Variants in ALDH1A2 observed in about 807,000 individuals in gnomAD.
ALDH1A2 encodes the protein aldehyde dehydrogenase 1 family member A2, also known as retinal dehydrogenase 2.
A neutral mutation model predicts 60.3 loss-of-function variants in ALDH1A2; 27 were observed. The observed-to-expected ratio is 0.45, with a 90% CI of 0.33 to 0.62. The LOEUF (loss-of-function observed/expected upper bound fraction) is 0.62, where lower values mean the gene tolerates loss of function less well. Among genes scored for constraint, ALDH1A2 ranks in the 20% least tolerant of loss-of-function variants. ALDH1A2 has a pLI of 0.02. For synonymous variants in ALDH1A2, 289 were observed against 232.4 expected (o/e 1.24, Z -2.21); for missense variants, 581 against 643.8 (o/e 0.90, Z 1.06).
intron 7 of ALDH1A2, among the ~76,000 whole-genome samples, chr15:57,967,941 T>C (rs1009064992): frequency 6.6e-6 from 1 of 152,130 alleles, no homozygotes; most frequent in East Asian, 1.9e-4. Context: ...CCCTCTCTTC[T>C]GGGAATGCTG....
At chr15:57,986,121 G>A (rs1249102864) in intron 7 of ALDH1A2, among the ~76,000 whole-genome samples, 1 of 152,286 alleles carries the variant, frequency 6.6e-6, no homozygotes, top group South Asian at 2.1e-4. Flanking sequence ...TGGAGTAACC[G>A]ACACTGGACT....
chr15:57,960,863 G>A lies in ALDH1A2; in HGVS notation c.1410-19C>T, dbSNP rs1466426268. The A allele has an allele frequency of 3.7e-6, 6 of 1,608,456 alleles. No homozygotes were observed. ...ATTGATCCTGAAAGAAGAAAACATA[G>A]CACTGTGAGTTCGTGTGAAGTCTGA... On this transcript the variant is annotated intron_variant, in intron 11 of 12. Coordinates refer to ENST00000249750, the MANE Select transcript of ALDH1A2 (RefSeq NM_003888.4).
At chr15:57,989,205 A>AAGTT (rs1239342619) in intron 7 of ALDH1A2, among the ~76,000 whole-genome samples, 2 of 152,146 alleles carry the variant, frequency 1.3e-5, no homozygotes, top group African/African-American at 4.8e-5. Context: ...TAAATGCTAG[A>AAGTT]AGTTAATTTA....
At chr15:57,958,214 G>GCGCACACACA (rs67551670) in intron 12 of ALDH1A2, among the ~76,000 whole-genome samples, 24 of 151,818 alleles carry the variant, frequency 1.6e-4, no homozygotes, top group South Asian at 4.2e-4. Flanking sequence ...GTACACGCAC[G>GCGCACACACA]CACACACACA....
rs1315031663 is a variant in ALDH1A2, at chr15:58,013,828, A to T, written c.363+30T>A. ...TTCAGCAGAATGGCAAATGTGGGTT[A>T]AAGACTTAATGTTTTCTTAGGTTAC... is the stretch of plus-strand genomic sequence containing the variant. On this transcript the variant is annotated intron_variant, in intron 3 of 12. Transcript: ENST00000249750. The T allele has an allele frequency of 2.5e-6, 4 of 1,613,866 alleles. No individual in the cohort carries two copies. In the Admixed American group the frequency reaches 5.0e-5, roughly 20 times the overall value.
At chr15:57,986,571 CAAAAAAA>C (rs71116542) in intron 7 of ALDH1A2, among the ~76,000 whole-genome samples, 1 of 82,074 alleles carries the variant, frequency 1.2e-5, no homozygotes, top group African/African-American at 5.1e-5. Context: ...ACAGAAAAGC[CAAAAAAA>C]AAAAAAAAAA....
chr15:57,955,360 ACCTGCGAACAGCAAGT>A, intron 12 of ALDH1A2, 91 bp from the exon 13 acceptor site: 1 of 1,324,726 alleles, frequency 7.5e-7, no homozygotes, highest in Non-Finnish European at 1.1e-6. Context: ...GCAGTTTATC[ACCTGCGAACAGCAAGT>A]CCTGGGATGT....
intron 4 of ALDH1A2, among the ~76,000 whole-genome samples, chr15:58,002,462 G>C (rs1895305759): frequency 6.6e-6 from 1 of 151,928 alleles, no homozygotes; most frequent in Non-Finnish European, 1.5e-5. Context: ...ACAGTTGCCT[G>C]AAAGAAACTG....
chr15:57,961,776 T>TAA lies in ALDH1A2; in HGVS notation c.1251+235_1251+236insTT, dbSNP rs1415188120. Among the ~76,000 whole-genome samples the TAA allele has an allele frequency of 1.3e-5, 2 of 151,570 alleles. 1 individual carries two copies. The highest frequency in any genetic ancestry group is 4.8e-5 in the African/African-American group (2 of 41,450). On this transcript the variant is annotated intron_variant, in intron 10 of 12. Coordinates refer to ENST00000249750, the MANE Select transcript of ALDH1A2 (RefSeq NM_003888.4). ...CAATGGCAGGCTATTCTGATTGTTC[T>TAA]GTTGGCTAATAATAATCATAAGCAC...
In ALDH1A2 at chr15:58,034,018, T is replaced by C. The variant is rs768460999; in HGVS notation, c.118-19737A>G. Among the ~76,000 whole-genome samples the C allele has an allele frequency of 5.3e-4, 81 of 151,806 alleles. 1 individual carries two copies. Among genetic ancestry groups the C allele is most frequent in the Non-Finnish European group, 1.6e-4 (11 of 67,768 alleles). ...ACTTTATAATTAGTTTGTTAATATC[T>C]ACAAAATAACTTACTAGGATTTTGA... On this transcript the variant is annotated intron_variant, in intron 1 of 12. Transcript: ENST00000249750.
At chr15:58,043,061 T>C (rs1183307452) in intron 1 of ALDH1A2, among the ~76,000 whole-genome samples, 2 of 151,940 alleles carry the variant, frequency 1.3e-5, no homozygotes, top group African/African-American at 4.8e-5. Flanking sequence ...GTGAAGTTGC[T>C]TGTGTTTTAG....
intron 7 of ALDH1A2, among the ~76,000 whole-genome samples, chr15:57,970,535 G>A (rs909903022): frequency 3.3e-5 from 5 of 152,142 alleles, no homozygotes; most frequent in Admixed American, 1.3e-4. Context: ...GGCTTTGCAA[G>A]AAAAATAATT....
At chr15:57,978,830 AG>A (rs1359993151) in intron 7 of ALDH1A2, among the ~76,000 whole-genome samples, 2 of 152,180 alleles carry the variant, frequency 1.3e-5, no homozygotes, top group African/African-American at 4.8e-5. Flanking sequence ...TGAGGCCAGG[AG>A]TTTGAGACCA....
intron 1 of ALDH1A2, among the ~76,000 whole-genome samples, chr15:58,047,723 A>C (rs1050125504): frequency 6.6e-6 from 1 of 152,010 alleles, no homozygotes; most frequent in Non-Finnish European, 1.5e-5. Context: ...AGAGAGGGGG[A>C]AAAAACTTCT....
intron 7 of ALDH1A2, among the ~76,000 whole-genome samples, chr15:57,970,656 TACTC>T (rs1894033058): frequency 6.6e-6 from 1 of 152,210 alleles, no homozygotes; most frequent in South Asian, 2.1e-4. Flanking sequence ...TTTTATTAAT[TACTC>T]AGGTGAGTTC....
intron 1 of ALDH1A2, among the ~76,000 whole-genome samples, chr15:58,058,330 A>C (rs1250416337): frequency 1.3e-5 from 2 of 152,030 alleles, no homozygotes; most frequent in South Asian, 4.1e-4. Flanking sequence ...CTAAATAATT[A>C]GTGGGTTTCC....
At chr15:57,985,968 C>T (rs542486945) in intron 7 of ALDH1A2, among the ~76,000 whole-genome samples, 2 of 152,198 alleles carry the variant, frequency 1.3e-5, no homozygotes, top group African/African-American at 2.4e-5. Flanking sequence ...GGTTGTATTC[C>T]TAATACTTTG....
At chr15:58,025,841 G>A (rs1896064894) in intron 1 of ALDH1A2, among the ~76,000 whole-genome samples, 1 of 152,166 alleles carries the variant, frequency 6.6e-6, no homozygotes, top group South Asian at 2.1e-4. Flanking sequence ...GAGCAAGAGA[G>A]AAAAGAGGAA....
At chr15:57,999,405 G>T (rs1445261544) in intron 4 of ALDH1A2, among the ~76,000 whole-genome samples, 1 of 151,894 alleles carries the variant, frequency 6.6e-6, no homozygotes, top group Non-Finnish European at 1.5e-5. Context: ...CTTCTCAAAA[G>T]AAGACAGTCA....
Sources: allele counts gnomAD v4.1 joint callset (sites outside exome capture counted in the v4.1 genomes callset), GRCh38; gene constraint gnomAD v4.1.1; transcripts MANE v1.5; gene names NCBI Gene and HGNC (gene_info 2026-07-23, HGNC 2026-07-21).